PPTC7: variants seen among roughly 807,000 people sequenced by gnomAD.
The protein encoded by PPTC7 is protein phosphatase PTC7 homolog.
PPTC7 carries 6 observed loss-of-function variants against 30.8 expected under a neutral mutation model. That is an observed-to-expected ratio of 0.19 (90% CI 0.11 to 0.38). The LOEUF (loss-of-function observed/expected upper bound fraction) is 0.38, where lower values mean the gene tolerates loss of function less well. Among genes scored for constraint, PPTC7 ranks in the 10% least tolerant of loss-of-function variants. The pLI is 1.00. For missense variants in PPTC7, 218 were observed against 404.8 expected, an observed-to-expected ratio of 0.54 and a Z score of 3.96; for synonymous variants, 163 against 168.1, an observed-to-expected ratio of 0.97 and a Z score of 0.23.
chr12:110,565,079 T>C (rs1244451701), intron 1 of PPTC7, among the ~76,000 whole-genome samples: 3 of 151,746 alleles, frequency 2.0e-5, no homozygotes, highest in South Asian at 4.2e-4. Context: ...TTTCACCATG[T>C]CAGCCAGGCT....
intron 2 of PPTC7, among the ~76,000 whole-genome samples, chr12:110,548,611 A>C (rs2064328144): frequency 6.6e-6 from 1 of 152,228 alleles, no homozygotes; most frequent in African/African-American, 2.4e-5. Context: ...ACATCTTCTG[A>C]AAACTCATGG....
chr12:110,580,030 CA>C (rs879309557), intron 1 of PPTC7, among the ~76,000 whole-genome samples: 257 of 135,626 alleles, frequency 1.9e-3, no homozygotes, highest in Admixed American at 2.1e-3. Context: ...CCCCACCCAC[CA>C]AAAAAAAAAA....
rs2064207086 is a variant in PPTC7 at position 110,534,833 on chromosome 12, C to T, written c.*2204G>A. The T allele has an allele frequency of 6.6e-6, 1 of 152,500 alleles. No homozygotes were observed. Among genetic ancestry groups the T allele is most frequent in the Non-Finnish European group, 1.5e-5 (1 of 68,022 alleles). The allele number at this position is 152,500 out of a possible 1,614,324, so 9.4% of individuals were successfully genotyped here. A position where few individuals can be genotyped will look rare whatever the true frequency, so the allele number is the denominator to read the frequency against. ...ATAAAACACCACCAATCTAGCTTTA[C>T]AAAGATTGTGTTTGACGGGTTAAAT... On this transcript the variant is annotated 3_prime_UTR_variant, in exon 6 of 6. Coordinates refer to ENST00000354300, the MANE Select transcript of PPTC7 (RefSeq NM_139283.2).
At chr12:110,552,330 A>C (rs971573152) in intron 1 of PPTC7, among the ~76,000 whole-genome samples, 2 of 152,248 alleles carry the variant, frequency 1.3e-5, no homozygotes, top group African/African-American at 4.8e-5. Context: ...CAAAGTGCTG[A>C]TGCTAGTGAC....
intron 2 of PPTC7, among the ~76,000 whole-genome samples, chr12:110,549,391 C>G (rs2064334594): frequency 1.3e-5 from 2 of 149,636 alleles, no homozygotes; most frequent in South Asian, 2.1e-4. Context: ...AAAAAATTAC[C>G]TAACTAACTT....
At chr12:110,562,302 A>T (rs2135782659) in intron 1 of PPTC7, among the ~76,000 whole-genome samples, 1 of 151,034 alleles carries the variant, frequency 6.6e-6, no homozygotes, top group Non-Finnish European at 1.5e-5. Context: ...AAAAAAAAAA[A>T]AAAAAAAAAA....
At chr12:110,574,364 T>C (rs1486963088) in intron 1 of PPTC7, among the ~76,000 whole-genome samples, 1 of 151,966 alleles carries the variant, frequency 6.6e-6, no homozygotes, top group Non-Finnish European at 1.5e-5. Context: ...TTGCAACTTC[T>C]AAGGCACTAT....
chr12:110,542,756 C>G (rs1356610905), intron 3 of PPTC7, among the ~76,000 whole-genome samples: 1 of 147,992 alleles, frequency 6.8e-6, no homozygotes, highest in East Asian at 2.0e-4. Flanking sequence ...GAATATGTGG[C>G]TAAGGGCAGG....
At chr12:110,543,406 A>G (rs1281519592) in intron 3 of PPTC7, among the ~76,000 whole-genome samples, 1 of 151,986 alleles carries the variant, frequency 6.6e-6, no homozygotes, top group East Asian at 1.9e-4. Context: ...GATAAGAGGG[A>G]CCATTAACTA....
chr12:110,547,013 T>C (rs1416113206), intron 2 of PPTC7, among the ~76,000 whole-genome samples: 1 of 152,158 alleles, frequency 6.6e-6, no homozygotes, highest in African/African-American at 2.4e-5. Flanking sequence ...GAGTGAAAAG[T>C]AAAAGTAAAC....
intron 1 of PPTC7, among the ~76,000 whole-genome samples, chr12:110,579,155 A>T (rs1315058685): frequency 6.6e-6 from 1 of 152,136 alleles, no homozygotes; most frequent in Admixed American, 6.5e-5. Context: ...TCTCAAAAAA[A>T]AAAAAAAGTC....
intron 1 of PPTC7, among the ~76,000 whole-genome samples, chr12:110,552,457 C>T (rs900921362): frequency 3.3e-5 from 5 of 152,148 alleles, no homozygotes; most frequent in Non-Finnish European, 5.9e-5. Context: ...ATATCCCATC[C>T]CCTCTCCTTC....
At chr12:110,562,887 C>T (rs1165586704) in intron 1 of PPTC7, among the ~76,000 whole-genome samples, 9 of 150,442 alleles carry the variant, frequency 6.0e-5, no homozygotes, top group Admixed American at 1.3e-4. Flanking sequence ...TTTGGGAGGT[C>T]GAGGCGGGTG....
intron 1 of PPTC7, among the ~76,000 whole-genome samples, chr12:110,568,640 T>C (rs750357211): frequency 1.3e-5 from 2 of 152,236 alleles, no homozygotes; most frequent in Non-Finnish European, 2.9e-5. Context: ...GTTTTGTTCA[T>C]TGGTCTTTAA....
intron 1 of PPTC7, among the ~76,000 whole-genome samples, chr12:110,553,512 C>T (rs2064364528): frequency 1.3e-5 from 2 of 152,170 alleles, no homozygotes; most frequent in Admixed American, 6.5e-5. Context: ...GGCATGGTGG[C>T]TCATGCCAAT....
intron 2 of PPTC7, among the ~76,000 whole-genome samples, chr12:110,551,473 A>G (rs1199464071): frequency 6.6e-6 from 1 of 152,172 alleles, no homozygotes; most frequent in Non-Finnish European, 1.5e-5. Context: ...CAGCCTCCCA[A>G]GTAGCTGGGA....
At chr12:110,538,104 T>G in intron 5 of PPTC7, 40 bp downstream of exon 5, 4 of 1,604,340 alleles carry the variant, frequency 2.5e-6, no homozygotes, top group Non-Finnish European at 3.4e-6. Flanking sequence ...TGACACCATG[T>G]CCCCAGTCAG....
At chr12:110,550,223 ATTTTTTTTTT>A (rs796973487) in intron 2 of PPTC7, among the ~76,000 whole-genome samples, 24 of 103,030 alleles carry the variant, frequency 2.3e-4, no homozygotes, top group Non-Finnish European at 4.0e-4. Context: ...ACAGGGGCTG[ATTTTTTTTTT>A]TTTTTTTTTT....
At chr12:110,564,471 T>C (rs532770989) in intron 1 of PPTC7, among the ~76,000 whole-genome samples, 59 of 152,340 alleles carry the variant, frequency 3.9e-4, no homozygotes, top group African/African-American at 1.4e-3. Context: ...CTGTTTATAA[T>C]TTACAAGATT....
Sources: allele counts gnomAD v4.1 joint callset (sites outside exome capture counted in the v4.1 genomes callset), GRCh38; gene constraint gnomAD v4.1.1; transcripts MANE v1.5; gene names NCBI Gene and HGNC (gene_info 2026-07-23, HGNC 2026-07-21).